AIG1: variants seen among roughly 807,000 people sequenced by gnomAD.
AIG1 encodes the protein androgen-induced gene 1 protein.
Under a neutral mutation model 31.4 loss-of-function variants are expected in AIG1, and 23 were observed. The observed-to-expected ratio is 0.73, with a 90% CI of 0.53 to 1.04. AIG1 has a LOEUF of 1.04. Ranked by LOEUF, AIG1 falls within the 50% of genes least tolerant of loss-of-function variation. AIG1 has a pLI of 0.00. For missense variants in AIG1, 274 were observed against 295.0 expected (o/e 0.93, Z 0.52); for synonymous variants, 100 against 110.5 (o/e 0.90, Z 0.60).
intron 2 of AIG1, among the ~76,000 whole-genome samples, chr6:143,164,734 G>A (rs1263214693): frequency 6.6e-6 from 1 of 152,092 alleles, no homozygotes; most frequent in Non-Finnish European, 1.5e-5. Context: ...AATGGGATCC[G>A]AAAAAACCAC....
chr6:143,124,063 G>C (rs1465479385), intron 1 of AIG1, among the ~76,000 whole-genome samples: 1 of 152,196 alleles, frequency 6.6e-6, no homozygotes, highest in Non-Finnish European at 1.5e-5. Flanking sequence ...AACTGAAATA[G>C]TGTCAGCAAT....
chr6:143,180,127 T>G (rs1259768604), intron 3 of AIG1, among the ~76,000 whole-genome samples: 1 of 152,226 alleles, frequency 6.6e-6, no homozygotes, highest in Admixed American at 6.5e-5. Flanking sequence ...TTCCAAACTG[T>G]AATGCAGGTG....
intron 4 of AIG1, among the ~76,000 whole-genome samples, chr6:143,321,798 T>TG (rs1048613046): frequency 4.6e-5 from 7 of 151,986 alleles, no homozygotes; most frequent in African/African-American, 1.4e-4. Flanking sequence ...ACAACACAAC[T>TG]GGGAAAAAAA....
At chr6:143,255,658 G>T (rs1795329416) in intron 3 of AIG1, among the ~76,000 whole-genome samples, 1 of 152,162 alleles carries the variant, frequency 6.6e-6, no homozygotes, top group Non-Finnish European at 1.5e-5. Context: ...TTATCCATGG[G>T]TGGATTGGAG....
intron 1 of AIG1, among the ~76,000 whole-genome samples, chr6:143,104,962 G>T (rs186101547): frequency 6.6e-6 from 1 of 151,994 alleles, no homozygotes; most frequent in African/African-American, 2.4e-5. Flanking sequence ...AGTAGGCCTC[G>T]AATTGAACTC....
rs1798633419 is a variant in AIG1 at position 143,298,912 on chromosome 6, T to A, written c.515+14687T>A. The A allele has an allele frequency of 6.6e-6, 1 of 152,142 alleles. No individual in the cohort carries two copies. Among genetic ancestry groups the A allele is most frequent in the Non-Finnish European group, 1.5e-5 (1 of 68,022 alleles). The allele number at this position is 152,142 out of a possible 1,614,324, so 9.4% of individuals were successfully genotyped here. On this transcript the variant is annotated intron_variant, in intron 4 of 5. Transcript: ENST00000357847. This position sits in a 1 kb window ranked among gnomAD's most constrained non-coding sequence, Gnocchi z 5.1. Reference sequence around the variant, plus strand: ...TTATTGTGTTTTTTTTTCCCAAGGCTGTGACATCTGTCTGTGTTCTAAAGC... The same window carrying A: ...TTATTGTGTTTTTTTTTCCCAAGGCAGTGACATCTGTCTGTGTTCTAAAGC...
intron 2 of AIG1, among the ~76,000 whole-genome samples, chr6:143,160,726 A>G (rs1163466133): frequency 6.6e-6 from 1 of 152,200 alleles, no homozygotes; most frequent in Admixed American, 6.5e-5. Flanking sequence ...GCTGATGGCT[A>G]TACTATCAGG....
chr6:143,240,832 C>T (rs1356692013), intron 3 of AIG1, among the ~76,000 whole-genome samples: 2 of 152,102 alleles, frequency 1.3e-5, no homozygotes, highest in African/African-American at 4.8e-5. Flanking sequence ...TCTCAATTCC[C>T]GTACTTATCT....
Position 143,327,628 on chromosome 6 carries a change from G to C in AIG1, c.516-5654G>C. Reference sequence around the variant, plus strand: ...TACCTGTTACCACTTTCAAAAATCTGCAGATAGTCAATGTGGATGAGAACT... The same window carrying C: ...TACCTGTTACCACTTTCAAAAATCTCCAGATAGTCAATGTGGATGAGAACT... On this transcript the variant is annotated intron_variant, in intron 4 of 5. Transcript: ENST00000357847. This position sits in a 1 kb window ranked among gnomAD's most constrained non-coding sequence, Gnocchi z 5.3. 1 of 287,838 alleles carries C rather than the reference G, an allele frequency of 3.5e-6. No individual in the cohort carries two copies. Among genetic ancestry groups the C allele is most frequent in the South Asian group, 3.9e-5 (1 of 25,606 alleles). 17.8% of individuals were successfully genotyped at this position (287,838 alleles called of 1,614,324 possible). A position where few individuals can be genotyped will look rare whatever the true frequency, so the allele number is the denominator to read the frequency against.
chr6:143,285,425 G>A (rs551594964), intron 4 of AIG1, among the ~76,000 whole-genome samples: 22 of 151,210 alleles, frequency 1.5e-4, no homozygotes, highest in Non-Finnish European at 1.9e-4. Context: ...ACTTTGGGAC[G>A]CCCAGGCAGG....
chr6:143,069,962 G>A (rs1025667622), intron 1 of AIG1, among the ~76,000 whole-genome samples: 1 of 152,018 alleles, frequency 6.6e-6, no homozygotes, highest in Non-Finnish European at 1.5e-5. Context: ...ATTGAATTAC[G>A]TTTGCACCTT....
chr6:143,060,946 G>C lies in AIG1; in HGVS notation c.21G>C (p.Gln7His). 6.2e-7 allele frequency: 1 copy of C among 1,611,700 alleles called. No individual in the cohort carries two copies. The highest frequency in any genetic ancestry group is 8.5e-7 in the Non-Finnish European group (1 of 1,179,444). ...CGAACATGGCGCTTGTCCCCTGCCAGGTGCTGCGGATGGCAATCCTGCTGT... is the reference window on the plus strand; with the variant it reads ...CGAACATGGCGCTTGTCCCCTGCCACGTGCTGCGGATGGCAATCCTGCTGT... MALVPC[Q>H]VLRMAILLSY... is the part of the protein sequence containing the mutation. Residue 7 changes from glutamine to histidine, a missense_variant, in exon 1 of 6, where the codon CAG (glutamine) becomes CAC (histidine). Physicochemically the swap from Gln to His is conservative, Grantham distance 24. Around this residue, in one of 2 missense-constraint regions of AIG1, gnomAD observed 243 missense variants for 238.5 expected, o/e 1.02. Transcript: ENST00000357847.
intron 1 of AIG1, among the ~76,000 whole-genome samples, chr6:143,093,519 C>T (rs1779493154): frequency 6.6e-6 from 1 of 152,176 alleles, no homozygotes; most frequent in South Asian, 2.1e-4. Flanking sequence ...TCTTTTTTAT[C>T]ATTTCAGTGT....
At chr6:143,135,327 A>G (rs982790455) in intron 1 of AIG1, among the ~76,000 whole-genome samples, 1 of 152,148 alleles carries the variant, frequency 6.6e-6, no homozygotes, top group African/African-American at 2.4e-5. Context: ...TCAAACATCT[A>G]AAGTCCTAGG....
chr6:143,240,868 G>A (rs892465714), intron 3 of AIG1, among the ~76,000 whole-genome samples: 1 of 152,130 alleles, frequency 6.6e-6, no homozygotes, highest in Non-Finnish European at 1.5e-5. Context: ...CCAATGGCCG[G>A]CCACCAGTCT....
At chr6:143,226,541 T>C (rs900979791) in intron 3 of AIG1, among the ~76,000 whole-genome samples, 10 of 152,056 alleles carry the variant, frequency 6.6e-5, no homozygotes, top group African/African-American at 2.4e-4. Flanking sequence ...ACCACACCCG[T>C]CCTCTTCTTA....
chr6:143,073,322 C>T (rs893327036), intron 1 of AIG1, among the ~76,000 whole-genome samples: 27 of 152,124 alleles, frequency 1.8e-4, no homozygotes, highest in Non-Finnish European at 3.7e-4. Flanking sequence ...AATGATGCTG[C>T]AATGAACATG....
chr6:143,271,179 G>C (rs1796501183), intron 3 of AIG1, among the ~76,000 whole-genome samples: 2 of 152,224 alleles, frequency 1.3e-5, no homozygotes, highest in Admixed American at 1.3e-4. Context: ...ACAGATCAAG[G>C]CTTAGTCACT....
chr6:143,210,049 C>T (rs1583514831), intron 3 of AIG1, among the ~76,000 whole-genome samples: 1 of 152,244 alleles, frequency 6.6e-6, no homozygotes, highest in Middle Eastern at 3.4e-3. Flanking sequence ...TGGGAGGGAC[C>T]TGGTGGGAGG....
Sources: gnomAD v4.1 joint callset for allele counts (sites outside exome capture counted in the v4.1 genomes callset) on GRCh38, gnomAD v4.1.1 for gene constraint, gnomAD v4.1.1 regional missense constraint, Gnocchi (gnomAD v3.1) non-coding constraint, MANE v1.5 for transcripts, NCBI Gene and HGNC (gene_info 2026-07-23, HGNC 2026-07-21) for gene names.